The following AUTS2 variants were observed in gnomAD, a reference collection of about 807,000 sequenced individuals.
The protein encoded by AUTS2 is autism susceptibility gene 2 protein.
A neutral mutation model predicts 112.4 loss-of-function variants in AUTS2; 17 were observed. The ratio of observed to expected loss-of-function variants is 0.15; its 90% confidence interval spans 0.10 to 0.23. AUTS2 has a LOEUF of 0.23. Ranked by LOEUF, AUTS2 falls within the 10% of genes least tolerant of loss-of-function variation. The pLI, the probability that AUTS2 is intolerant of heterozygous loss-of-function variation, is 1.00. For missense variants in AUTS2, 1,510 were observed against 1,701.6 expected, an observed-to-expected ratio of 0.89 and a Z score of 1.98; for synonymous variants, 751 against 702.7, an observed-to-expected ratio of 1.07 and a Z score of -1.09.
chr7:70,163,359 C>G (rs74471550), intron 4 of AUTS2, among the ~76,000 whole-genome samples: 69 of 3,836 alleles, frequency 0.018, 1 homozygote, highest in Non-Finnish European at 0.033. Flanking sequence ...GGGGGGGGGG[C>G]AGAGGGGGAG....
At chr7:70,743,245 A>G (rs941048831) in intron 6 of AUTS2, among the ~76,000 whole-genome samples, 5 of 152,222 alleles carry the variant, frequency 3.3e-5, no homozygotes, top group African/African-American at 9.6e-5. Flanking sequence ...AGGTGGGCGG[A>G]TCACATGAGG....
chr7:70,255,352 G>T (rs1315238672), intron 4 of AUTS2, among the ~76,000 whole-genome samples: 1 of 152,026 alleles, frequency 6.6e-6, no homozygotes, highest in Non-Finnish European at 1.5e-5. Flanking sequence ...GATTATAGGC[G>T]TGAGCCACCA....
chr7:69,859,225 G>C (rs1792868409), intron 1 of AUTS2, among the ~76,000 whole-genome samples: 1 of 152,078 alleles, frequency 6.6e-6, no homozygotes, highest in South Asian at 2.1e-4. Context: ...CCTCACTTAA[G>C]GATTGTTTAA....
At chr7:70,401,635 G>A (rs1007372095) in intron 4 of AUTS2, among the ~76,000 whole-genome samples, 4 of 152,164 alleles carry the variant, frequency 2.6e-5, no homozygotes, top group Non-Finnish European at 5.9e-5. Context: ...CTTGAAGAAG[G>A]CCTACGGTTA....
chr7:70,109,678 C>T (rs1440672034), intron 2 of AUTS2, among the ~76,000 whole-genome samples: 2 of 152,160 alleles, frequency 1.3e-5, no homozygotes, highest in Admixed American at 1.3e-4. Flanking sequence ...CTCCAGGTAT[C>T]AGGCTTCAGA....
chr7:70,377,367 T>TATATAC (rs1793154359), intron 4 of AUTS2, among the ~76,000 whole-genome samples: 4 of 118,466 alleles, frequency 3.4e-5, no homozygotes, highest in Non-Finnish European at 5.3e-5. Context: ...TATATATATA[T>TATATAC]ATATATAGTG....
intron 4 of AUTS2, among the ~76,000 whole-genome samples, chr7:70,379,473 C>T (rs1793267987): frequency 6.6e-6 from 1 of 151,092 alleles, no homozygotes. Context: ...CTGCACTCCA[C>T]CCTGGGTGAC....
chr7:70,134,712 A>G, intron 4 of AUTS2, 141 bp downstream of exon 4: 2 of 838,326 alleles, frequency 2.4e-6, no homozygotes, highest in Admixed American at 4.2e-5. Flanking sequence ...ATTCTTTATT[A>G]GGAATTGTTT....
intron 5 of AUTS2, among the ~76,000 whole-genome samples, chr7:70,693,840 G>T (rs1808888285): frequency 6.6e-6 from 1 of 152,080 alleles, no homozygotes; most frequent in African/African-American, 2.4e-5. Flanking sequence ...GCGCCCGCCC[G>T]CAAGGAAGGC....
intron 4 of AUTS2, among the ~76,000 whole-genome samples, chr7:70,209,675 G>A (rs1006649725): frequency 6.6e-5 from 10 of 152,188 alleles, no homozygotes; most frequent in Admixed American, 6.5e-4. Context: ...TCATAAACAA[G>A]GATGCTTGGT....
intron 2 of AUTS2, among the ~76,000 whole-genome samples, chr7:70,011,212 C>T (rs764997268): frequency 3.9e-5 from 6 of 152,084 alleles, no homozygotes; most frequent in Non-Finnish European, 7.4e-5. Flanking sequence ...ATGAAAAAAT[C>T]GAGTTGTCTA....
chr7:70,450,910 G>A (rs1255061223), intron 5 of AUTS2, among the ~76,000 whole-genome samples: 1 of 152,156 alleles, frequency 6.6e-6, no homozygotes, highest in Non-Finnish European at 1.5e-5. Flanking sequence ...GGCTGACTGG[G>A]TCAGTATTGA....
At chr7:70,510,503 G>A (rs1368548119) in intron 5 of AUTS2, among the ~76,000 whole-genome samples, 4 of 152,152 alleles carry the variant, frequency 2.6e-5, no homozygotes, top group Non-Finnish European at 4.4e-5. Context: ...GGATCCCCAA[G>A]ACCCTGTCAG....
chr7:70,545,493 C>T (rs886661), intron 5 of AUTS2, among the ~76,000 whole-genome samples: 42,069 of 152,158 alleles, frequency 0.28, 6,501 homozygotes, highest in Non-Finnish European at 0.35. Flanking sequence ...ATGACTTCAC[C>T]CACCTGCTTT....
chr7:70,448,500 A>G (rs936594733), intron 5 of AUTS2, among the ~76,000 whole-genome samples: 2 of 152,218 alleles, frequency 1.3e-5, no homozygotes, highest in Non-Finnish European at 2.9e-5. Flanking sequence ...CTGCTAGATT[A>G]CCATAGGTCC....
At chr7:70,658,751 A>G (rs561591515) in intron 5 of AUTS2, among the ~76,000 whole-genome samples, 1 of 152,310 alleles carries the variant, frequency 6.6e-6, no homozygotes, top group East Asian at 1.9e-4. Flanking sequence ...AGAAAAGGAA[A>G]TTCATGGTAA....
At chr7:69,740,189 A>G (rs1031839905) in intron 1 of AUTS2, among the ~76,000 whole-genome samples, 3 of 152,196 alleles carry the variant, frequency 2.0e-5, no homozygotes, top group Non-Finnish European at 4.4e-5. Context: ...CCAGCTAGAC[A>G]TGACCAGCTG....
In AUTS2 at chr7:69,958,919, G is replaced by C. The variant is rs371335653; in HGVS notation, c.522+59421G>C. On this transcript the variant is annotated intron_variant, in intron 2 of 18. Transcript: ENST00000342771. ...TATTCCTTGAGGAATGACATTTGGA[G>C]AGAACCAAATTTTAGATGCTTCTGT... Among the ~76,000 whole-genome samples, 6 of 152,308 alleles carry C rather than the reference G, an allele frequency of 3.9e-5. No individual in the cohort carries two copies. The East Asian group carries it at 1.2e-3, about 29-fold the overall frequency.
At chr7:69,754,035 G>A (rs1787848552) in intron 1 of AUTS2, among the ~76,000 whole-genome samples, 1 of 152,190 alleles carries the variant, frequency 6.6e-6, no homozygotes. Flanking sequence ...CCTTTATGAA[G>A]GCAGAGCTTG....
Sources: allele counts gnomAD v4.1 joint callset (sites outside exome capture counted in the v4.1 genomes callset), GRCh38; gene constraint gnomAD v4.1.1; transcripts MANE v1.5; gene names NCBI Gene and HGNC (gene_info 2026-07-23, HGNC 2026-07-21).